The following ASPRV1 variants were observed in gnomAD, a reference collection of about 807,000 sequenced individuals.
ASPRV1 encodes the protein aspartic peptidase retroviral like 1, also known as retroviral-like aspartic protease 1.
Under a neutral mutation model 11.0 loss-of-function variants are expected in ASPRV1, and 7 were observed. The observed-to-expected ratio is 0.64, with a 90% confidence interval of 0.36 to 1.20. ASPRV1 has a LOEUF of 1.20. Among genes scored for constraint, ASPRV1 ranks in the 50% most tolerant of loss-of-function variants. ASPRV1 has a pLI of 0.02. For synonymous variants in ASPRV1, 136 were observed against 138.4 expected (o/e 0.98, Z 0.12); for missense variants, 299 against 320.0 (o/e 0.93, Z 0.50).
the ASPRV1 span, among the ~76,000 whole-genome samples, chr2:70,076,624 TAGCCTACCAAACATCATAGCTC>T: frequency 6.6e-6 from 1 of 152,252 alleles, no homozygotes; most frequent in African/African-American, 2.4e-5. Context: ...TTGATACACT[TAGCCTACCAAACATCATAGCTC>T]AGCCTAGACT....
chr2:69,956,517 GAGGAGGAGGAGA>G (rs1216076059), downstream of ASPRV1, among the ~76,000 whole-genome samples: 3 of 148,044 alleles, frequency 2.0e-5, no homozygotes, highest in South Asian at 2.1e-4. Context: ...AGGAGGGGAG[GAGGAGGAGGAGA>G]AGGAGGAGGA....
chr2:69,945,935 T>A, the ASPRV1 span, among the ~76,000 whole-genome samples: 2 of 152,226 alleles, frequency 1.3e-5, no homozygotes, highest in East Asian at 3.9e-4. Flanking sequence ...CAGAAATACG[T>A]CTGCCTTCAA....
the ASPRV1 span, among the ~76,000 whole-genome samples, chr2:70,062,756 C>T: frequency 6.6e-6 from 1 of 152,112 alleles, no homozygotes; most frequent in Non-Finnish European, 1.5e-5. Context: ...CGCCTGTGAA[C>T]AGCCACCACA....
the ASPRV1 span, among the ~76,000 whole-genome samples, chr2:70,001,332 A>G: frequency 2.6e-5 from 4 of 152,068 alleles, no homozygotes; most frequent in East Asian, 7.7e-4. Context: ...AGTTCAAGAC[A>G]AGCCTGGCCA....
chr2:70,065,024 G>A, the ASPRV1 span, among the ~76,000 whole-genome samples: 2 of 152,002 alleles, frequency 1.3e-5, no homozygotes, highest in Non-Finnish European at 2.9e-5. Context: ...GAACCCAGGA[G>A]ACAGACATTG....
the ASPRV1 span, among the ~76,000 whole-genome samples, chr2:70,040,154 T>C: frequency 1.1e-4 from 16 of 152,170 alleles, no homozygotes; most frequent in Non-Finnish European, 2.4e-4. Flanking sequence ...GTACTTGATG[T>C]ATCAGTGGTA....
the ASPRV1 span, chr2:69,942,377 A>C: frequency 6.6e-6 from 1 of 152,120 alleles, no homozygotes; most frequent in East Asian, 1.9e-4. Flanking sequence ...TTTCATTATC[A>C]ATATTACATG....
the ASPRV1 span, chr2:70,050,816 GC>G: frequency 6.6e-6 from 1 of 152,000 alleles, no homozygotes; most frequent in Admixed American, 6.6e-5. Flanking sequence ...GGTAGCAGGC[GC>G]CTGTAGGCCC....
At chr2:70,037,517 A>G in the ASPRV1 span, among the ~76,000 whole-genome samples, 1 of 152,106 alleles carries the variant, frequency 6.6e-6, no homozygotes, top group Non-Finnish European at 1.5e-5. Flanking sequence ...AAACCTCCCA[A>G]AGTGTTGGGA....
upstream of ASPRV1, chr2:69,963,612 A>G: frequency 2.7e-6 from 1 of 371,306 alleles, no homozygotes; most frequent in Non-Finnish European, 5.4e-6. Flanking sequence ...GGCTTTTCAA[A>G]CCATAGTGGT....
the ASPRV1 span, chr2:70,081,611 T>A: frequency 6.6e-6 from 1 of 152,106 alleles, no homozygotes; most frequent in African/African-American, 2.4e-5. Context: ...TTAGATAAGG[T>A]CTCACTCTGT....
chr2:70,000,804 AAAAAAAAAAAAAAG>A, the ASPRV1 span, among the ~76,000 whole-genome samples: 1 of 149,212 alleles, frequency 6.7e-6, no homozygotes, highest in Admixed American at 6.7e-5. Context: ...AAAAAAAAAA[AAAAAAAAAAAAAAG>A]AAAGAAAAAG....
At chr2:70,053,966 G>C in the ASPRV1 span, 2 of 152,220 alleles carry the variant, frequency 1.3e-5, no homozygotes, top group Non-Finnish European at 2.9e-5. Flanking sequence ...CAGGATATAA[G>C]AGATGCCTCC....
the ASPRV1 span, among the ~76,000 whole-genome samples, chr2:69,995,818 G>A: frequency 1.3e-5 from 2 of 152,190 alleles, no homozygotes; most frequent in Admixed American, 6.5e-5. Context: ...GGCAGAATGA[G>A]GGCTGAGGCC....
At chr2:69,957,289 GATA>G (rs1291050979), downstream of ASPRV1, among the ~76,000 whole-genome samples, 2 of 152,184 alleles carry the variant, frequency 1.3e-5, no homozygotes, top group African/African-American at 4.8e-5. Flanking sequence ...TATATATATA[GATA>G]GGAGAAAAGG....
the ASPRV1 span, among the ~76,000 whole-genome samples, chr2:69,952,770 C>CT: frequency 0.039 from 5,918 of 152,216 alleles, 272 homozygotes; most frequent in Admixed American, 0.11. Context: ...TAGTCCCCCC[C>CT]ATCCCCTATC....
At chr2:69,937,287 G>A in the ASPRV1 span, 24 of 1,614,200 alleles carry the variant, frequency 1.5e-5, no homozygotes, top group Non-Finnish European at 1.9e-5. Context: ...CAGCTTCAGC[G>A]AGAGCAGCGA....
downstream of ASPRV1, among the ~76,000 whole-genome samples, chr2:69,958,575 C>T (rs977239113): frequency 2.0e-5 from 3 of 152,168 alleles, no homozygotes; most frequent in Non-Finnish European, 4.4e-5. Context: ...CCCACCCACC[C>T]ACTTACAGAC....
the ASPRV1 span, among the ~76,000 whole-genome samples, chr2:70,026,993 G>A: frequency 6.6e-6 from 1 of 152,102 alleles, no homozygotes; most frequent in South Asian, 2.1e-4. Flanking sequence ...ACTCACGCCT[G>A]TAATCCCAGC....
Sources: gnomAD v4.1 joint callset for allele counts (sites outside exome capture counted in the v4.1 genomes callset) on GRCh38, gnomAD v4.1.1 for gene constraint, MANE v1.5 for transcripts, NCBI Gene and HGNC (gene_info 2026-07-23, HGNC 2026-07-21) for gene names.